PKHD1L1: variants seen among roughly 807,000 people sequenced by gnomAD.
The protein encoded by PKHD1L1 is fibrocystin-L.
In PKHD1L1, 434 loss-of-function variants were observed where a neutral mutation model predicts 462.9. The ratio of observed to expected loss-of-function variants is 0.94; its 90% CI spans 0.87 to 1.02. PKHD1L1 has a LOEUF of 1.02. Ranked by LOEUF, PKHD1L1 falls within the 50% of genes least tolerant of loss-of-function variation. The probability of loss-of-function intolerance (pLI) is 0.00; values close to 1 mark genes in which losing one functional copy is unlikely to be tolerated. For missense variants in PKHD1L1, 5,202 were observed against 5,096.1 expected, an observed-to-expected ratio of 1.02 and a Z score of -0.63; for synonymous variants, 1,781 against 1,750.0, an observed-to-expected ratio of 1.02 and a Z score of -0.44.
At chr8:109,462,705 C>T (rs944154074) in intron 48 of PKHD1L1, among the ~76,000 whole-genome samples, 1 of 152,106 alleles carries the variant, frequency 6.6e-6, no homozygotes, top group Non-Finnish European at 1.5e-5. Context: ...CCACACCCAG[C>T]TAATTTTTGT....
At chr8:109,431,010 C>T (rs1214424426) in intron 27 of PKHD1L1, among the ~76,000 whole-genome samples, 1 of 150,258 alleles carries the variant, frequency 6.7e-6, no homozygotes, top group Non-Finnish European at 1.5e-5. Context: ...TTGCTGTCAC[C>T]AGGCTGGAGT....
intron 23 of PKHD1L1, among the ~76,000 whole-genome samples, chr8:109,424,158 A>C (rs184790332): frequency 7.7e-4 from 117 of 152,244 alleles, no homozygotes; most frequent in African/African-American, 2.6e-3. Flanking sequence ...TTTGACATCT[A>C]CTACCCTGAA....
At position 109,440,848 on chromosome 8, in the gene PKHD1L1, G is replaced by A. The variant is rs1364197337; in HGVS notation, c.4095G>A (p.Leu1365=). 6.2e-7 allele frequency: 1 copy of A among 1,612,008 alleles called. No homozygotes were observed. Among genetic ancestry groups the A allele is most frequent in the East Asian group, 2.2e-5 (1 of 44,796 alleles). The change falls in exon 33 of 78, where the codon CTG becomes CTA. Residue 1365 remains leucine, a synonymous_variant. Transcript: ENST00000378402. ...FSTIPAENTV[L]LGSIPCNVTS... is the part of the protein sequence containing the mutation. ...CAATACCAGCTGAGAATACCGTGCT[G>A]TTAGGTAAGAGCTTCATTCATAGGA...
chr8:109,372,754 T>G (rs1355828464), intron 2 of PKHD1L1, among the ~76,000 whole-genome samples: 1 of 152,216 alleles, frequency 6.6e-6, no homozygotes, highest in East Asian at 1.9e-4. Flanking sequence ...CTGCATCTAT[T>G]GAGATAATCA....
Position 109,518,408 on chromosome 8 carries a change from A to C in PKHD1L1, c.11931A>C (p.Lys3977Asn). ...CAAGTGACAAAATCCGTATCAGCAA[A>C]ATAAGAGGGAAGAGTCTGAGGAGGA... is the stretch of plus-strand genomic sequence containing the variant. ...KIPSDKIRIS[K>N]IRGKSLRRKR... is the part of the protein sequence containing the mutation. The change falls in exon 73 of 78, where the codon AAA becomes AAC. Residue 3977 changes from lysine (K) to asparagine (N), a missense_variant. Physicochemically the swap from Lys to Asn is moderately conservative, Grantham distance 94. Coordinates refer to ENST00000378402, the MANE Select transcript of PKHD1L1 (RefSeq NM_177531.6). 6.2e-6 allele frequency: 10 copies of C among 1,613,070 alleles called. No homozygotes were observed. Among genetic ancestry groups the C allele is most frequent in the Non-Finnish European group, 8.5e-6 (10 of 1,179,582 alleles).
chr8:109,515,006 T>C (rs1820191048), intron 71 of PKHD1L1, among the ~76,000 whole-genome samples, 164 bp from the exon 72 acceptor site: 2 of 152,128 alleles, frequency 1.3e-5, no homozygotes, highest in South Asian at 4.1e-4. Flanking sequence ...TATGAATGGT[T>C]GAATGTAAGC....
At chr8:109,484,200 T>G (rs1354349406) in intron 57 of PKHD1L1, among the ~76,000 whole-genome samples, 4 of 151,930 alleles carry the variant, frequency 2.6e-5, no homozygotes, top group Non-Finnish European at 5.9e-5. Context: ...TTTTTATTTG[T>G]GATAGTTCTG....
intron 25 of PKHD1L1, among the ~76,000 whole-genome samples, chr8:109,427,603 G>A (rs960732637): frequency 1.3e-5 from 2 of 152,116 alleles, no homozygotes; most frequent in Non-Finnish European, 2.9e-5. Flanking sequence ...TCATAAGGGA[G>A]TAACACCTTA....
chr8:109,439,005 C>T lies in PKHD1L1; in HGVS notation c.3869C>T (p.Thr1290Ile), dbSNP rs1208044736. 2 of 1,613,674 alleles carry T rather than the reference C, an allele frequency of 1.2e-6. No homozygotes were observed. Among genetic ancestry groups the T allele is most frequent in the Non-Finnish European group, 8.5e-7 (1 of 1,179,686 alleles). The stretch of plus-strand genomic sequence containing the variant: ...TGCCAGATTCTTCACTGGAACTTCA[C>T]AGATATTAGATGCCTTTTGCCCAAG... ...KTCQILHWNF[T>I]DIRCLLPKLS... Residue 1290 changes from threonine (T) to isoleucine (I), a missense_variant, in exon 32 of 78, where the codon ACA (threonine) becomes ATA (isoleucine). Thr to Ile is a moderately conservative substitution (Grantham distance 89, BLOSUM62 -1). Around this residue, in one of 3 missense-constraint regions of PKHD1L1, gnomAD observed 4,497 missense variants for 4,336.8 expected, o/e 1.04. Coordinates refer to ENST00000378402, the MANE Select transcript of PKHD1L1 (RefSeq NM_177531.6).
chr8:109,473,718 A>G (rs1348713184), intron 50 of PKHD1L1, among the ~76,000 whole-genome samples: 1 of 152,054 alleles, frequency 6.6e-6, no homozygotes, highest in Non-Finnish European at 1.5e-5. Context: ...TTAGGTGTCC[A>G]CAGGCTAGGT....
chr8:109,382,496 C>T lies in PKHD1L1; in HGVS notation c.342C>T (p.Val114=), dbSNP rs1220520490. 1.2e-6 allele frequency: 2 copies of T among 1,611,642 alleles called. No individual in the cohort carries two copies. Among genetic ancestry groups the T allele is most frequent in the African/African-American group, 1.3e-5 (1 of 74,712 alleles). The part of the protein sequence containing the change: ...AMPEDSYTVR[V]SVDGVPVTEN... ...CGGAAGATTCCTACACTGTTAGAGTCAGTGTGGACGGGGTTCCTGTTACGG... is the reference window on the plus strand; with the variant it reads ...CGGAAGATTCCTACACTGTTAGAGTTAGTGTGGACGGGGTTCCTGTTACGG... The change falls in exon 4 of 78, where the codon GTC becomes GTT. Residue 114 remains valine, a synonymous_variant. Transcript: ENST00000378402.
chr8:109,487,427 G>A (rs988059315), intron 59 of PKHD1L1, among the ~76,000 whole-genome samples: 1 of 151,048 alleles, frequency 6.6e-6, no homozygotes, highest in African/African-American at 2.4e-5. Context: ...AATTTCCCCA[G>A]TATCCTCCCT....
At chr8:109,387,800 C>A (rs1812512035) in intron 6 of PKHD1L1, among the ~76,000 whole-genome samples, 1 of 152,074 alleles carries the variant, frequency 6.6e-6, no homozygotes, top group Admixed American at 6.6e-5. Context: ...TGTATCTGGC[C>A]TTATTTTGAG....
chr8:109,404,835 A>T, intron 15 of PKHD1L1, 122 bp downstream of exon 15: 1 of 1,184,584 alleles, frequency 8.4e-7, no homozygotes. Flanking sequence ...GACAATTATT[A>T]AATTATGACT....
intron 43 of PKHD1L1, among the ~76,000 whole-genome samples, chr8:109,453,869 T>A (rs1816674609): frequency 6.6e-6 from 1 of 152,180 alleles, no homozygotes; most frequent in South Asian, 2.1e-4. Context: ...TTTGCATAGC[T>A]GAGCTATTTA....
Position 109,445,485 on chromosome 8 carries a change from T to C in PKHD1L1, c.5616T>C (p.Ile1872=), listed in dbSNP as rs755554653. The C allele has an allele frequency of 3.1e-6, 5 of 1,613,834 alleles. No individual in the cohort carries two copies. In the South Asian group the frequency reaches 5.5e-5, roughly 18 times the overall value. ...CTATTGGGGATGAACCTTGTCAAAT[T>C]ATTTCCATCAACCCCAATGAAGTCT... ...TVTIGDEPCQ[I]ISINPNEVYC... Residue 1872 remains isoleucine (I), a synonymous_variant, in exon 38 of 78, where the codon ATT becomes ATC. Coordinates refer to ENST00000378402, the MANE Select transcript of PKHD1L1 (RefSeq NM_177531.6).
At chr8:109,479,450 C>T in intron 53 of PKHD1L1, 101 bp from the exon 54 acceptor site, 2 of 785,524 alleles carry the variant, frequency 2.5e-6, no homozygotes, top group Non-Finnish European at 2.0e-6. Context: ...TCTTCTCTAC[C>T]ATGTAAAATC....
chr8:109,369,266 C>A (rs758136678), intron 2 of PKHD1L1, among the ~76,000 whole-genome samples: 2 of 152,234 alleles, frequency 1.3e-5, no homozygotes, highest in African/African-American at 4.8e-5. Context: ...CGTGAGCCAC[C>A]GCACCTGGCC....
intron 37 of PKHD1L1, 100 bp from the exon 38 acceptor site, chr8:109,444,561 A>G (rs1420724874): frequency 9.3e-5 from 102 of 1,098,768 alleles, no homozygotes; most frequent in Non-Finnish European, 1.2e-4. Context: ...TTATTTGCAC[A>G]TGATTAACTT....
Sources: allele counts gnomAD v4.1 joint callset (sites outside exome capture counted in the v4.1 genomes callset), GRCh38; gene constraint gnomAD v4.1.1; regional missense constraint gnomAD v4.1.1; transcripts MANE v1.5; gene names NCBI Gene and HGNC (gene_info 2026-07-23, HGNC 2026-07-21).